The following ANTXR1 variants were observed in gnomAD, a reference collection of about 807,000 sequenced individuals.
ANTXR1 encodes ANTXR cell adhesion molecule 1, also known as anthrax toxin receptor 1.
A neutral mutation model predicts 78.1 loss-of-function variants in ANTXR1; 19 were observed. The observed-to-expected ratio is 0.24, with a 90% CI of 0.17 to 0.36. ANTXR1 has a LOEUF of 0.36. ANTXR1 is among the 10% of genes least tolerant of loss of function. The probability of loss-of-function intolerance (pLI) is 1.00; values close to 1 mark genes in which losing one functional copy is unlikely to be tolerated. For synonymous variants in ANTXR1, 273 were observed against 260.5 expected (o/e 1.05, Z -0.46); for missense variants, 518 against 718.6 (o/e 0.72, Z 3.19).
At chr2:69,218,170 G>A (rs980603473) in intron 17 of ANTXR1, among the ~76,000 whole-genome samples, 4 of 152,134 alleles carry the variant, frequency 2.6e-5, no homozygotes, top group African/African-American at 7.2e-5. Context: ...CCTGGCCCTC[G>A]TGTGAAAACT....
At chr2:69,149,123 G>A (rs1673317317) in intron 12 of ANTXR1, among the ~76,000 whole-genome samples, 1 of 152,106 alleles carries the variant, frequency 6.6e-6, no homozygotes, top group Non-Finnish European at 1.5e-5. Flanking sequence ...GTGCATTCGG[G>A]GGCTTTATCC....
intron 8 of ANTXR1, among the ~76,000 whole-genome samples, chr2:69,083,596 A>G (rs2104256878): frequency 6.6e-6 from 1 of 152,280 alleles, no homozygotes; most frequent in South Asian, 2.1e-4. Flanking sequence ...AGACTGCCCT[A>G]TGTGTCATAT....
intron 10 of ANTXR1, among the ~76,000 whole-genome samples, chr2:69,115,210 C>G (rs190521285): frequency 3.9e-5 from 6 of 152,188 alleles, no homozygotes; most frequent in Non-Finnish European, 7.4e-5. Context: ...AAATCAACCC[C>G]CATTTGAGAA....
At chr2:69,096,131 T>G (rs113259203) in intron 9 of ANTXR1, among the ~76,000 whole-genome samples, 3,471 of 151,404 alleles carry the variant, frequency 0.023, 120 homozygotes, top group African/African-American at 0.078. Context: ...GGTGGCGGGC[T>G]CCTGTAGTCC....
At chr2:69,240,795 A>C (rs972371657) in intron 17 of ANTXR1, among the ~76,000 whole-genome samples, 46 of 148,320 alleles carry the variant, frequency 3.1e-4, no homozygotes, top group Admixed American at 2.6e-3. Flanking sequence ...AGTTATTTAA[A>C]TAGGTGTGAG....
intron 14 of ANTXR1, among the ~76,000 whole-genome samples, chr2:69,178,516 AAGAGGGAGGAGCCAGGGACT>A (rs962703456): frequency 2.0e-5 from 3 of 151,958 alleles, no homozygotes; most frequent in Non-Finnish European, 4.4e-5. Flanking sequence ...GGCCAGGGAC[AAGAGGGAGGAGCCAGGGACT>A]AGAGGGAGGG....
intron 16 of ANTXR1, chr2:69,182,964 G>T: frequency 2.8e-6 from 1 of 354,244 alleles, no homozygotes; most frequent in Non-Finnish European, 5.0e-6. Context: ...ATGCAAATTC[G>T]TGAAGTGTTC....
At chr2:69,066,749 C>T (rs1031731988) in intron 3 of ANTXR1, among the ~76,000 whole-genome samples, 2 of 152,166 alleles carry the variant, frequency 1.3e-5, no homozygotes, top group African/African-American at 2.4e-5. Flanking sequence ...TTGACAATCA[C>T]CTGCTTGAGG....
At chr2:69,222,523 T>C (rs906405108) in intron 17 of ANTXR1, among the ~76,000 whole-genome samples, 1 of 152,212 alleles carries the variant, frequency 6.6e-6, no homozygotes, top group African/African-American at 2.4e-5. Context: ...TCTCTAGTTA[T>C]AAACAAGCAA....
At chr2:69,204,507 T>A (rs1674849569) in intron 17 of ANTXR1, among the ~76,000 whole-genome samples, 1 of 152,206 alleles carries the variant, frequency 6.6e-6, no homozygotes. Context: ...TTATCTTATC[T>A]GTTCCCCATC....
intron 7 of ANTXR1, among the ~76,000 whole-genome samples, chr2:69,076,906 G>C (rs926588219): frequency 1.3e-5 from 2 of 152,204 alleles, no homozygotes; most frequent in Non-Finnish European, 2.9e-5. Flanking sequence ...ACATAAAGCA[G>C]GAGCAGCCAA....
chr2:69,122,523 A>G (rs1271685739), intron 10 of ANTXR1, among the ~76,000 whole-genome samples: 2 of 152,236 alleles, frequency 1.3e-5, no homozygotes, highest in Non-Finnish European at 2.9e-5. Context: ...ACAGGAAGCT[A>G]TGATTCAGGC....
chr2:69,136,309 G>A (rs898756702), intron 12 of ANTXR1, among the ~76,000 whole-genome samples: 3 of 152,100 alleles, frequency 2.0e-5, no homozygotes, highest in Non-Finnish European at 4.4e-5. Context: ...CTGTATATAG[G>A]AAATCTGCAT....
At chr2:69,150,253 C>A (rs1342986490) in intron 12 of ANTXR1, among the ~76,000 whole-genome samples, 2 of 152,206 alleles carry the variant, frequency 1.3e-5, no homozygotes. Context: ...GACCACCCAG[C>A]CTCCCTTCCC....
chr2:69,196,299 C>G (rs1450119773), intron 17 of ANTXR1, among the ~76,000 whole-genome samples: 1 of 152,218 alleles, frequency 6.6e-6, no homozygotes, highest in East Asian at 1.9e-4. Flanking sequence ...AACACTGTTA[C>G]AAATTATGAT....
rs1371012197 is a variant in ANTXR1 at position 69,143,351 on chromosome 2, G to T, written c.952-8818G>T. ...TGGGGAAGGAAGAGAGGGAGGAAAA[G>T]GCACCTGAGGTTGACTTCCAAGTTT... On this transcript the variant is annotated intron_variant, in intron 12 of 17. Coordinates refer to ENST00000303714, the MANE Select transcript of ANTXR1 (RefSeq NM_032208.3). Among the ~76,000 whole-genome samples the T allele has an allele frequency of 2.0e-5, 3 of 152,320 alleles. No individual in the cohort carries two copies. The East Asian group carries it at 5.8e-4, about 29-fold the overall frequency.
In ANTXR1 at chr2:69,188,044, A is replaced by C. The variant is rs1247126975; in HGVS notation, c.1354-5291A>C. On this transcript the variant is annotated intron_variant, in intron 16 of 17. Transcript: ENST00000303714. Reference sequence around the variant, plus strand: ...ACAACTGCTGCCTGGCAAAAAAAAAAAAAAAAAAAAAAAAAAAGAGGAAAC... The same window carrying C: ...ACAACTGCTGCCTGGCAAAAAAAAACAAAAAAAAAAAAAAAAAGAGGAAAC... Among the ~76,000 whole-genome samples the C allele has an allele frequency of 5.2e-5, 3 of 57,412 alleles. No individual in the cohort carries two copies. The East Asian group carries it at 5.5e-3, about 105-fold the overall frequency. The allele number at this position is 57,412 out of a possible 152,430, so 37.7% of individuals were successfully genotyped here.
intron 17 of ANTXR1, among the ~76,000 whole-genome samples, chr2:69,235,865 A>T (rs1164111635): frequency 6.6e-6 from 1 of 152,072 alleles, no homozygotes; most frequent in Non-Finnish European, 1.5e-5. Flanking sequence ...TAATTTATAA[A>T]GAAAAGAGGT....
chr2:69,018,146 A>G (rs1361658423), intron 1 of ANTXR1, among the ~76,000 whole-genome samples: 1 of 152,138 alleles, frequency 6.6e-6, no homozygotes, highest in Non-Finnish European at 1.5e-5. Context: ...GGACTTGCCA[A>G]AGCCACAGCC....
Sources: gnomAD v4.1 joint callset for allele counts (sites outside exome capture counted in the v4.1 genomes callset) on GRCh38, gnomAD v4.1.1 for gene constraint, MANE v1.5 for transcripts, NCBI Gene and HGNC (gene_info 2026-07-23, HGNC 2026-07-21) for gene names.